EXOC2: variants seen among roughly 807,000 people sequenced by gnomAD.
EXOC2 encodes the protein SEC5-like 1.
A neutral mutation model predicts 131.8 loss-of-function variants in EXOC2; 70 were observed. The observed-to-expected ratio is 0.53, with a 90% CI of 0.44 to 0.65. EXOC2 has a LOEUF of 0.65. Among genes scored for constraint, EXOC2 ranks in the 30% least tolerant of loss-of-function variants. The pLI, the probability that EXOC2 is intolerant of heterozygous loss-of-function variation, is 0.00. For missense variants in EXOC2, 923 were observed against 1,108.6 expected (o/e 0.83, Z 2.38); for synonymous variants, 411 against 398.4 (o/e 1.03, Z -0.38).
chr6:516,242 C>T (rs1159066637), intron 23 of EXOC2, among the ~76,000 whole-genome samples: 2 of 152,204 alleles, frequency 1.3e-5, no homozygotes, highest in Admixed American at 6.5e-5. Context: ...TTGCTCCTGA[C>T]GCTGGGAGAA....
intron 23 of EXOC2, among the ~76,000 whole-genome samples, chr6:510,779 T>G (rs1764802335): frequency 6.6e-6 from 1 of 152,240 alleles, no homozygotes; most frequent in African/African-American, 2.4e-5. Flanking sequence ...GTTAATTAAC[T>G]TAATATAAAC....
At chr6:595,456 A>G (rs1427994745) in intron 10 of EXOC2, among the ~76,000 whole-genome samples, 1 of 152,064 alleles carries the variant, frequency 6.6e-6, no homozygotes, top group East Asian at 1.9e-4. Flanking sequence ...AATAATCATT[A>G]ACAAATACAT....
At chr6:674,413 C>G (rs1004252111) in intron 1 of EXOC2, among the ~76,000 whole-genome samples, 2 of 151,976 alleles carry the variant, frequency 1.3e-5, no homozygotes, top group East Asian at 3.9e-4. Context: ...GTTCATGTAC[C>G]CTGTTAAAAA....
intron 1 of EXOC2, chr6:656,600 C>T (rs1763112779): frequency 1.3e-6 from 2 of 1,595,906 alleles, no homozygotes; most frequent in Admixed American, 1.7e-5. Context: ...CCAGCTCCAC[C>T]GCCACCGTGA....
At chr6:645,990 C>T (rs1762563454) in intron 1 of EXOC2, among the ~76,000 whole-genome samples, 1 of 152,178 alleles carries the variant, frequency 6.6e-6, no homozygotes, top group South Asian at 2.1e-4. Flanking sequence ...ATTTTCTTGA[C>T]CTTGACATTT....
At chr6:510,445 AACTCTTT>A (rs1428526134) in intron 23 of EXOC2, among the ~76,000 whole-genome samples, 3 of 152,152 alleles carry the variant, frequency 2.0e-5, no homozygotes, top group Non-Finnish European at 4.4e-5. Context: ...TCAATAGGAA[AACTCTTT>A]CCTCGAGAAA....
chr6:497,648 A>G (rs953213026), intron 24 of EXOC2, among the ~76,000 whole-genome samples, 159 bp from the exon 25 acceptor site: 3 of 152,262 alleles, frequency 2.0e-5, no homozygotes, highest in Non-Finnish European at 4.4e-5. Flanking sequence ...ATACAGACTT[A>G]TATTTAAATT....
At chr6:510,394 C>T (rs1232967550) in intron 23 of EXOC2, among the ~76,000 whole-genome samples, 11 of 151,884 alleles carry the variant, frequency 7.2e-5, no homozygotes, top group African/African-American at 2.7e-4. Flanking sequence ...TTTTTCATTG[C>T]TTTCATCAGT....
intron 6 of EXOC2, among the ~76,000 whole-genome samples, chr6:614,848 T>TA (rs1760901011): frequency 1.3e-5 from 2 of 152,260 alleles, no homozygotes; most frequent in African/African-American, 4.8e-5. Context: ...TACAAAAACT[T>TA]AAATATATAT....
intron 3 of EXOC2, among the ~76,000 whole-genome samples, chr6:630,983 A>G (rs940631016): frequency 4.6e-5 from 7 of 152,192 alleles, no homozygotes; most frequent in African/African-American, 1.2e-4. Flanking sequence ...TTATCATTCA[A>G]CCTAGCACAG....
intron 25 of EXOC2, among the ~76,000 whole-genome samples, chr6:496,037 AATTCC>A (rs1763715432): frequency 6.6e-6 from 1 of 152,052 alleles, no homozygotes; most frequent in Middle Eastern, 3.2e-3. Context: ...CCATTCCAGA[AATTCC>A]ATTTAGTTCC....
At chr6:572,005 C>T (rs1031429002) in intron 13 of EXOC2, among the ~76,000 whole-genome samples, 7 of 152,230 alleles carry the variant, frequency 4.6e-5, no homozygotes, top group African/African-American at 1.7e-4. Context: ...TGTGTGACTG[C>T]AGAAGGTGGA....
At chr6:573,542 G>A (rs1220607483) in intron 12 of EXOC2, among the ~76,000 whole-genome samples, 1 of 152,124 alleles carries the variant, frequency 6.6e-6, no homozygotes, top group Non-Finnish European at 1.5e-5. Flanking sequence ...GGACTCCCAT[G>A]AGAACGTTTA....
At chr6:687,171 C>CTTTTTTT (rs762736216) in intron 1 of EXOC2, among the ~76,000 whole-genome samples, 1,934 of 78,340 alleles carry the variant, frequency 0.025, 226 homozygotes, top group East Asian at 0.042. Flanking sequence ...AAATAATATT[C>CTTTTTTT]TTTTTTTTTT....
At chr6:540,270 T>G (rs76794268) in intron 22 of EXOC2, among the ~76,000 whole-genome samples, 75 of 152,308 alleles carry the variant, frequency 4.9e-4, no homozygotes, top group African/African-American at 1.8e-3. Flanking sequence ...TTTTTAATAA[T>G]CAAGTTAGTC....
chr6:626,481 G>A (rs372407046), intron 4 of EXOC2, among the ~76,000 whole-genome samples: 26 of 152,286 alleles, frequency 1.7e-4, no homozygotes, highest in African/African-American at 5.8e-4. Flanking sequence ...CAGTGTGCAC[G>A]CTAGACCGTC....
chr6:504,335 A>C (rs1256808888), intron 23 of EXOC2, among the ~76,000 whole-genome samples: 1 of 152,202 alleles, frequency 6.6e-6, no homozygotes, highest in African/African-American at 2.4e-5. Context: ...CCGTTATGGA[A>C]GCGGCTGAGG....
chr6:689,098 A>G (rs900821676), intron 1 of EXOC2: 1 of 152,230 alleles, frequency 6.6e-6, no homozygotes, highest in Non-Finnish European at 1.5e-5. Flanking sequence ...TGTGCCGGGC[A>G]CTAGTCTTGA....
intron 25 of EXOC2, among the ~76,000 whole-genome samples, chr6:492,492 G>A (rs1304573959): frequency 6.6e-6 from 1 of 152,146 alleles, no homozygotes; most frequent in Admixed American, 6.5e-5. Context: ...AATCAAAGGT[G>A]GGAAAACCAC....
Sources: gnomAD v4.1 joint callset for allele counts (sites outside exome capture counted in the v4.1 genomes callset) on GRCh38, gnomAD v4.1.1 for gene constraint, MANE v1.5 for transcripts, NCBI Gene and HGNC (gene_info 2026-07-23, HGNC 2026-07-21) for gene names.